The following PRKCH variants were observed in gnomAD, a reference collection of about 807,000 sequenced individuals.
PRKCH encodes the protein protein kinase C eta type.
Under a neutral mutation model 82.5 loss-of-function variants are expected in PRKCH, and 28 were observed. The ratio of observed to expected loss-of-function variants is 0.34; its 90% confidence interval spans 0.25 to 0.47. The LOEUF (loss-of-function observed/expected upper bound fraction) is 0.47. Ranked by LOEUF, PRKCH falls within the 20% of genes least tolerant of loss-of-function variation. The pLI, the probability that PRKCH is intolerant of heterozygous loss-of-function variation, is 1.00. For missense variants in PRKCH, 705 were observed against 881.8 expected, an observed-to-expected ratio of 0.80 and a Z score of 2.54; for synonymous variants, 322 against 327.4, an observed-to-expected ratio of 0.98 and a Z score of 0.18.
Position 61,280,474 on chromosome 14 carries a change from G to C in PRKCH, c.-19+92806G>C. On this transcript the variant is annotated intron_variant, in intron 1 of 3. Coordinates refer to the PRKCH transcript ENST00000555185. This position sits in a 1 kb window ranked among gnomAD's most constrained non-coding sequence, Gnocchi z 5.0. Reference sequence around the variant, plus strand: ...GACTGGCCGGCGCCAGTTGGGCGGGGGCGCCGTGCCCTGGAAGGCCAACGC... The same window carrying C: ...GACTGGCCGGCGCCAGTTGGGCGGGCGCGCCGTGCCCTGGAAGGCCAACGC... The C allele has an allele frequency of 6.2e-7, 1 of 1,613,356 alleles. No individual in the cohort carries two copies. Among genetic ancestry groups the C allele is most frequent in the Non-Finnish European group, 8.5e-7 (1 of 1,179,710 alleles).
chr14:61,452,973 A>G (rs1884582296), intron 6 of PRKCH: 1 of 494,482 alleles, frequency 2.0e-6, no homozygotes, highest in Non-Finnish European at 3.6e-6. Context: ...GGTTTCATCA[A>G]ATCATGGTGG....
At chr14:61,499,840 C>T (rs906404260) in intron 10 of PRKCH, among the ~76,000 whole-genome samples, 4 of 151,050 alleles carry the variant, frequency 2.6e-5, no homozygotes, top group East Asian at 3.9e-4. Flanking sequence ...ACATTGTTTC[C>T]CAGTAGCTTC....
intron 1 of PRKCH, among the ~76,000 whole-genome samples, chr14:61,200,753 C>A (rs562132925): frequency 1.5e-3 from 198 of 130,414 alleles, no homozygotes; most frequent in African/African-American, 6.1e-3. Flanking sequence ...ACTTTCATTA[C>A]AATATATTGT....
At chr14:61,355,452 G>A (rs1339129632) in intron 1 of PRKCH, among the ~76,000 whole-genome samples, 1 of 151,806 alleles carries the variant, frequency 6.6e-6, no homozygotes, top group Non-Finnish European at 1.5e-5. Context: ...TTGAGGGAAG[G>A]GATAGTGTGA....
intron 1 of PRKCH, chr14:61,326,836 G>GT (rs1248931438): frequency 9.7e-5 from 20 of 206,016 alleles, no homozygotes; most frequent in South Asian, 1.9e-4. Flanking sequence ...ATCACTGTCA[G>GT]TTTTTTTTCT....
chr14:61,349,808 C>G (rs1387570576), intron 1 of PRKCH, among the ~76,000 whole-genome samples: 1 of 152,126 alleles, frequency 6.6e-6, no homozygotes, highest in African/African-American at 2.4e-5. Flanking sequence ...CTGCAGTAAG[C>G]TGAGATCATG....
At chr14:61,262,026 C>T (rs1432205440) in intron 1 of PRKCH, among the ~76,000 whole-genome samples, 7 of 151,926 alleles carry the variant, frequency 4.6e-5, no homozygotes, top group Admixed American at 3.3e-4. Context: ...TCATGACCAG[C>T]CTGGCCAACA....
chr14:61,279,477 G>C, intron 1 of PRKCH: 1 of 152,296 alleles, frequency 6.6e-6, no homozygotes, highest in Non-Finnish European at 1.5e-5. Flanking sequence ...CTCTCCAGTG[G>C]AGTTTGTTAA....
At chr14:61,366,206 A>G (rs1249966103) in intron 1 of PRKCH, among the ~76,000 whole-genome samples, 1 of 152,124 alleles carries the variant, frequency 6.6e-6, no homozygotes, top group African/African-American at 2.4e-5. Flanking sequence ...TTGAAAATTT[A>G]GGTTACTAGG....
chr14:61,245,001 G>A (rs1341295963), intron 1 of PRKCH, among the ~76,000 whole-genome samples: 2 of 152,152 alleles, frequency 1.3e-5, no homozygotes, highest in African/African-American at 2.4e-5. Context: ...TACTATACCT[G>A]AGGCACAGCG....
chr14:61,221,174 G>A (rs1344059538), intron 1 of PRKCH, among the ~76,000 whole-genome samples: 3 of 152,138 alleles, frequency 2.0e-5, no homozygotes, highest in Admixed American at 6.5e-5. Context: ...AACAGCGATC[G>A]GCTCAGAGGG....
chr14:61,487,525 G>A (rs1886277517), intron 10 of PRKCH, among the ~76,000 whole-genome samples: 1 of 152,138 alleles, frequency 6.6e-6, no homozygotes, highest in Non-Finnish European at 1.5e-5. Flanking sequence ...CAGACTCCAG[G>A]CAGTAAATTC....
intron 1 of PRKCH, among the ~76,000 whole-genome samples, chr14:61,362,892 T>G (rs1457774030): frequency 6.6e-6 from 1 of 152,168 alleles, no homozygotes; most frequent in Non-Finnish European, 1.5e-5. Context: ...ATCAAATGAT[T>G]GGTGTTGAAC....
At chr14:61,371,891 T>C (rs1275474002) in intron 1 of PRKCH, among the ~76,000 whole-genome samples, 2 of 151,992 alleles carry the variant, frequency 1.3e-5, no homozygotes, top group African/African-American at 4.8e-5. Context: ...TTGTCTATTC[T>C]CCCCCATTTA....
intron 1 of PRKCH, chr14:61,299,674 A>C (rs1272535183): frequency 6.6e-6 from 1 of 152,210 alleles, no homozygotes; most frequent in East Asian, 1.9e-4. Flanking sequence ...CCTTGTCTCA[A>C]AACCTTGCAG....
intron 2 of PRKCH, among the ~76,000 whole-genome samples, chr14:61,397,360 T>A (rs913011861): frequency 1.8e-4 from 28 of 152,150 alleles, no homozygotes; most frequent in African/African-American, 6.8e-4. Context: ...GAAATCTAAG[T>A]TGCAATGTCT....
At chr14:61,530,733 C>G (rs2043035464) in intron 12 of PRKCH, 138 bp downstream of exon 12, 1 of 771,366 alleles carries the variant, frequency 1.3e-6, no homozygotes, top group Admixed American at 3.8e-5. Context: ...TCTAAAGAAT[C>G]AAAGAACCAG....
At chr14:61,370,099 A>C (rs1457344899) in intron 1 of PRKCH, among the ~76,000 whole-genome samples, 1 of 151,684 alleles carries the variant, frequency 6.6e-6, no homozygotes, top group Admixed American at 6.6e-5. Context: ...GCCCATCACC[A>C]CACCTGGCTA....
At chr14:61,266,438 A>AATAC (rs1555372314) in intron 1 of PRKCH, among the ~76,000 whole-genome samples, 3 of 152,142 alleles carry the variant, frequency 2.0e-5, no homozygotes, top group Non-Finnish European at 2.9e-5. Context: ...TAAATAAATA[A>AATAC]ATACATAAAT....
Sources: gnomAD v4.1 joint callset for allele counts (sites outside exome capture counted in the v4.1 genomes callset) on GRCh38, gnomAD v4.1.1 for gene constraint, Gnocchi (gnomAD v3.1) non-coding constraint, MANE v1.5 for transcripts, NCBI Gene and HGNC (gene_info 2026-07-23, HGNC 2026-07-21) for gene names.